Variants in RMI1 observed in about 807,000 individuals in gnomAD.
RMI1 encodes RecQ mediated genome instability 1, also known as recQ-mediated genome instability protein 1.
Under a neutral mutation model 46.7 loss-of-function variants are expected in RMI1, and 36 were observed. The observed-to-expected ratio is 0.77, with a 90% CI of 0.59 to 1.02. The LOEUF is 1.02. RMI1 is among the 50% of genes least tolerant of loss of function. The pLI is 0.00. For missense variants in RMI1, 676 were observed against 713.7 expected (o/e 0.95, Z 0.60); for synonymous variants, 250 against 252.9 (o/e 0.99, Z 0.11).
intron 1 of RMI1, among the ~76,000 whole-genome samples, chr9:83,990,525 A>AC (rs397936991): frequency 6.6e-6 from 1 of 151,424 alleles, no homozygotes; most frequent in Non-Finnish European, 1.5e-5. Context: ...AAAAAAAAAA[A>AC]CAATTGGAAT....
intron 2 of RMI1, 142 bp from the exon 3 acceptor site, chr9:84,000,809 G>A (rs1363972772): frequency 3.8e-6 from 2 of 521,714 alleles, no homozygotes. Context: ...ATCTGATTAT[G>A]TGTAGTGTTT....
At chr9:83,994,502 A>G (rs1957621453) in intron 1 of RMI1, among the ~76,000 whole-genome samples, 1 of 152,180 alleles carries the variant, frequency 6.6e-6, no homozygotes. Context: ...TCCATCTTTA[A>G]TCTTTTACAT....
chr9:83,990,583 ATT>A (rs1412516820), intron 1 of RMI1, among the ~76,000 whole-genome samples: 1 of 151,668 alleles, frequency 6.6e-6, no homozygotes, highest in Non-Finnish European at 1.5e-5. Context: ...GTTAACAATA[ATT>A]TATTATTTCA....
chr9:83,980,794 G>T, upstream of RMI1: 1 of 152,472 alleles, frequency 6.6e-6, no homozygotes, highest in Non-Finnish European at 1.5e-5. Context: ...GGCGGGAAGA[G>T]GTAAAAAAGG....
chr9:83,997,038 TC>T lies in RMI1; in HGVS notation c.-125-2662del, dbSNP rs1317873829. ...GGTGGTTTTAAAGATAGAGGTGGAT[TC>T]CCCCCCCCTTTTTTTTTTGGCAGGG... On this transcript the variant is annotated intron_variant, in intron 1 of 2. Coordinates refer to ENST00000445877, the MANE Select transcript of RMI1 (RefSeq NM_001358291.2). Among the ~76,000 whole-genome samples, 535 of 140,424 alleles carry T rather than the reference TC, an allele frequency of 3.8e-3. 1 individual carries two copies. The highest frequency in any genetic ancestry group is 6.5e-3 in the African/African-American group (245 of 37,608). 92.1% of individuals were successfully genotyped at this position (140,424 alleles called of 152,430 possible).
intron 1 of RMI1, among the ~76,000 whole-genome samples, chr9:83,997,351 T>G (rs1419699110): frequency 6.6e-6 from 1 of 151,762 alleles, no homozygotes; most frequent in Non-Finnish European, 1.5e-5. Context: ...CCTCAGGTGA[T>G]CCTTCCACCT....
At chr9:83,997,698 A>G (rs949530724) in intron 1 of RMI1, among the ~76,000 whole-genome samples, 8 of 151,930 alleles carry the variant, frequency 5.3e-5, no homozygotes, top group African/African-American at 1.9e-4. Flanking sequence ...TGATTCAGTC[A>G]CCTCCTACCA....
chr9:83,996,164 C>T (rs188925513), intron 1 of RMI1, among the ~76,000 whole-genome samples: 1 of 152,322 alleles, frequency 6.6e-6, no homozygotes. Flanking sequence ...GTCCCTCTGG[C>T]TGACATAGCT....
At chr9:83,990,210 C>T (rs1485138196) in intron 1 of RMI1, among the ~76,000 whole-genome samples, 1 of 152,028 alleles carries the variant, frequency 6.6e-6, no homozygotes, top group African/African-American at 2.4e-5. Context: ...ACAGATTGGT[C>T]AATGGGTGTA....
chr9:83,987,499 G>T (rs1169423856), intron 1 of RMI1, among the ~76,000 whole-genome samples: 1 of 152,006 alleles, frequency 6.6e-6, no homozygotes, highest in Non-Finnish European at 1.5e-5. Context: ...TTTTTAATTG[G>T]AGTATAATTT....
intron 2 of RMI1, among the ~76,000 whole-genome samples, chr9:84,000,464 T>C (rs933704656): frequency 6.6e-6 from 1 of 152,138 alleles, no homozygotes; most frequent in Non-Finnish European, 1.5e-5. Flanking sequence ...GGTCATCGGA[T>C]TTAAAAAAAT....
Position 84,003,784 on chromosome 9 carries a change from ACAT to A in RMI1, c.*924_*926del, listed in dbSNP as rs140080721. On this transcript the variant is annotated 3_prime_UTR_variant, in exon 3 of 3. Coordinates refer to ENST00000445877, the MANE Select transcript of RMI1 (RefSeq NM_001358291.2). ...GTTTATTTTAAATGGCATATTGAAA[ACAT>A]CATTATTAAGATCCAGTAGGTAGGA... 2,384 of 167,068 alleles carry A rather than the reference ACAT, an allele frequency of 0.014. 73 individuals carry two copies. The highest frequency in any genetic ancestry group is 0.033 in the East Asian group (172 of 5,192). The allele number at this position is 167,068 out of a possible 1,614,324, so 10.3% of individuals were successfully genotyped here. A position where few individuals can be genotyped will look rare whatever the true frequency, so the allele number is the denominator to read the frequency against.
Position 84,002,889 on chromosome 9 carries a change from A to G in RMI1, c.*25A>G. The G allele has an allele frequency of 7.9e-7, 1 of 1,273,304 alleles. No individual in the cohort carries two copies. The highest frequency in any genetic ancestry group is 1.6e-5 in the South Asian group (1 of 62,720). The allele number at this position is 1,273,304 out of a possible 1,614,324, so 78.9% of individuals were successfully genotyped here. ...ATTAAACTAAAATAGTATTAGGAACAATTAAAAACAACAAGGAAATATTTA... is the reference window on the plus strand; with the variant it reads ...ATTAAACTAAAATAGTATTAGGAACGATTAAAAACAACAAGGAAATATTTA... On this transcript the variant is annotated 3_prime_UTR_variant, in exon 3 of 3. Transcript: ENST00000445877.
intron 1 of RMI1, among the ~76,000 whole-genome samples, chr9:83,994,119 C>G (rs1377116168): frequency 6.6e-6 from 1 of 152,008 alleles, no homozygotes; most frequent in Non-Finnish European, 1.5e-5. Context: ...TATTCAAGCT[C>G]TTTGCCCATT....
intron 1 of RMI1, among the ~76,000 whole-genome samples, chr9:83,988,319 T>G (rs776153332): frequency 6.6e-6 from 1 of 152,194 alleles, no homozygotes; most frequent in Non-Finnish European, 1.5e-5. Context: ...TTTGTTTTGT[T>G]TTGAAACAGG....
intron 1 of RMI1, among the ~76,000 whole-genome samples, chr9:83,983,117 T>C (rs1478281009): frequency 6.6e-6 from 1 of 152,232 alleles, no homozygotes; most frequent in East Asian, 1.9e-4. Context: ...TTTAAAATAG[T>C]ATTTATAACT....
chr9:83,982,851 G>C (rs1957439626), intron 1 of RMI1, among the ~76,000 whole-genome samples: 1 of 152,170 alleles, frequency 6.6e-6, no homozygotes, highest in South Asian at 2.1e-4. Context: ...TTAAATAACA[G>C]GAAAGTCTTT....
chr9:84,001,871 A>G lies in RMI1; in HGVS notation c.885A>G (p.Pro295=). Residue 295 remains proline, a synonymous_variant, in exon 3 of 3, where the codon CCA becomes CCG. Transcript: ENST00000445877. ...FEPEFVISPR[P]KEEPSNLSIH... The stretch of plus-strand genomic sequence containing the variant: ...CAGAATTTGTTATTTCTCCAAGACC[A>G]AAAGAGGAACCATCAAACCTATCTA... 6.2e-7 allele frequency: 1 copy of G among 1,614,080 alleles called. No homozygotes were observed. The highest frequency in any genetic ancestry group is 2.2e-5 in the East Asian group (1 of 44,860).
chr9:83,995,880 T>C (rs1177434201), intron 1 of RMI1, among the ~76,000 whole-genome samples: 2 of 152,238 alleles, frequency 1.3e-5, no homozygotes, highest in East Asian at 3.8e-4. Context: ...TAGATTCTTT[T>C]TATAAATGCC....
Sources: allele counts gnomAD v4.1 joint callset (sites outside exome capture counted in the v4.1 genomes callset), GRCh38; gene constraint gnomAD v4.1.1; transcripts MANE v1.5; gene names NCBI Gene and HGNC (gene_info 2026-07-23, HGNC 2026-07-21).